Variants in PHYKPL observed in about 807,000 individuals in gnomAD.
The protein encoded by PHYKPL is 5-phosphohydroxy-L-lysine phospho-lyase.
A neutral mutation model predicts 51.3 loss-of-function variants in PHYKPL; 42 were observed. The ratio of observed to expected loss-of-function variants is 0.82; its 90% CI spans 0.64 to 1.06. The LOEUF is 1.06. PHYKPL is among the 50% of genes least tolerant of loss of function. The pLI, the probability that PHYKPL is intolerant of heterozygous loss-of-function variation, is 0.00. For synonymous variants in PHYKPL, 264 were observed against 236.0 expected, an observed-to-expected ratio of 1.12 and a Z score of -1.09; for missense variants, 655 against 586.6, an observed-to-expected ratio of 1.12 and a Z score of -1.20.
In PHYKPL at chr5:178,232,615, C is replaced by T. The variant is rs1581406204; in HGVS notation, c.-65G>A. 4.8e-6 allele frequency: 6 copies of T among 1,242,858 alleles called. No individual in the cohort carries two copies. The highest frequency in any genetic ancestry group is 6.0e-6 in the Non-Finnish European group (6 of 993,382). 77.0% of individuals were successfully genotyped at this position (1,242,858 alleles called of 1,614,324 possible). ...GACGTCGCCGCGCGGGCTGGGCCTC[C>T]AAGGCCCCGCTCCGGGCCCCGCCCC... is the stretch of plus-strand genomic sequence containing the variant. On this transcript the variant is annotated 5_prime_UTR_variant, in exon 1 of 13. Coordinates refer to ENST00000308158, the MANE Select transcript of PHYKPL (RefSeq NM_153373.4).
intron 1 of PHYKPL, chr5:178,231,806 C>T (rs1288529872): frequency 2.9e-6 from 4 of 1,393,002 alleles, no homozygotes; most frequent in African/African-American, 1.4e-5. Flanking sequence ...CCGCGTCAGT[C>T]TCCCGGATCC....
At chr5:178,222,782 T>A in intron 7 of PHYKPL, 70 bp downstream of exon 7, 1 of 1,547,838 alleles carries the variant, frequency 6.5e-7, no homozygotes. Context: ...AGGTTGGGAT[T>A]TGGACCAGAG....
rs1257426371 is a variant in PHYKPL at position 178,225,429 on chromosome 5, C to T, written c.339G>A (p.Gly113=). 11 of 1,614,064 alleles carry T rather than the reference C, an allele frequency of 6.8e-6. No homozygotes were observed. In the Admixed American group the frequency reaches 8.3e-5, roughly 12 times the overall value. The stretch of plus-strand genomic sequence containing the variant: ...TCAGGGCCAGGTCATTGGCTTCTGA[C>T]CTATGACCGAAAAGGTGGGCATGAC... ...QLCVFYFLNS[G]SEANDLALRL... Residue 113 remains glycine, a splice_region_variant and synonymous_variant, in exon 4 of 13, where the codon GGG becomes GGA. Coordinates refer to ENST00000308158, the MANE Select transcript of PHYKPL (RefSeq NM_153373.4).
At chr5:178,218,687 T>C (rs1387083973) in intron 8 of PHYKPL, among the ~76,000 whole-genome samples, 2 of 152,180 alleles carry the variant, frequency 1.3e-5, no homozygotes, top group African/African-American at 2.4e-5. Flanking sequence ...TATTTTGTTA[T>C]AGTTATAGCA....
Position 178,211,961 on chromosome 5 carries a change from T to C in PHYKPL, c.1313A>G (p.Glu438Gly), listed in dbSNP as rs756767207. 73 of 1,614,170 alleles carry C rather than the reference T, an allele frequency of 4.5e-5. No homozygotes were observed. The South Asian group carries it at 4.7e-4, about 10-fold the overall frequency. Residue 438 changes from glutamate (E) to glycine (G), a missense_variant, in exon 12 of 13, where the codon GAG (glutamate) becomes GGG (glycine). By Grantham distance (98) the Glu-to-Gly change is moderately conservative. Coordinates refer to ENST00000308158, the MANE Select transcript of PHYKPL (RefSeq NM_153373.4). ...CAGCGTTTCACAACTTCTCACCTTC[T>C]CTTCCATGTCTGAAAAAGACCACAA... ...KLDAILTDME[E>G]KVRSCETLRL...
intron 8 of PHYKPL, among the ~76,000 whole-genome samples, chr5:178,220,669 A>G (rs531190205): frequency 6.6e-6 from 1 of 151,838 alleles, no homozygotes; most frequent in East Asian, 1.9e-4. Context: ...CTCTTGCTAC[A>G]TGTACAACAG....
At chr5:178,228,236 C>T (rs1762670638) in intron 3 of PHYKPL, 2 of 389,190 alleles carry the variant, frequency 5.1e-6, no homozygotes, top group Non-Finnish European at 4.7e-6. Flanking sequence ...CCAGGATCAG[C>T]CCCAAGGAAC....
intron 9 of PHYKPL, 120 bp from the exon 10 acceptor site, chr5:178,215,005 A>T: frequency 1.1e-6 from 1 of 922,294 alleles, no homozygotes; most frequent in Non-Finnish European, 1.7e-6. Context: ...GCACCTTCAG[A>T]AGGTGGTGAG....
intron 6 of PHYKPL, 145 bp downstream of exon 6, chr5:178,224,303 A>G (rs1227183199): frequency 2.9e-5 from 26 of 894,882 alleles, no homozygotes; most frequent in Non-Finnish European, 4.3e-5. Context: ...CTCTCTGCTG[A>G]GCCCAAACTG....
intron 8 of PHYKPL, among the ~76,000 whole-genome samples, chr5:178,221,973 G>C (rs1340754238): frequency 6.6e-6 from 1 of 152,158 alleles, no homozygotes; most frequent in South Asian, 2.1e-4. Context: ...GGGAGCCACT[G>C]CAATGCGAAC....
At position 178,220,194 on chromosome 5, in the gene PHYKPL, CAA is replaced by C. The variant is rs34898072; in HGVS notation, c.927+2159_927+2160del. Among the ~76,000 whole-genome samples, 519 of 95,576 alleles carry C rather than the reference CAA, an allele frequency of 5.4e-3. 3 individuals are homozygous for C. The highest frequency in any genetic ancestry group is 0.022 in the South Asian group (61 of 2,802). The allele number at this position is 95,576 out of a possible 152,430, so 62.7% of individuals were successfully genotyped here. Reference sequence around the variant, plus strand: ...TGGGTGACAGAGTGAGACCCCGTTTCAAAAAAAAAAAAAAAAAAAGAATGCCG... The same window carrying C: ...TGGGTGACAGAGTGAGACCCCGTTTCAAAAAAAAAAAAAAAAAGAATGCCG... On this transcript the variant is annotated intron_variant, in intron 8 of 12. Coordinates refer to ENST00000308158, the MANE Select transcript of PHYKPL (RefSeq NM_153373.4).
chr5:178,231,575 A>C, intron 1 of PHYKPL, 52 bp from the exon 2 acceptor site: 1 of 1,613,442 alleles, frequency 6.2e-7, no homozygotes, highest in Non-Finnish European at 8.5e-7. Context: ...CGAAAGGGTG[A>C]AGTCTACTCA....
intron 12 of PHYKPL, chr5:178,209,199 A>G (rs1702827509): frequency 5.1e-6 from 4 of 777,526 alleles, no homozygotes; most frequent in Non-Finnish European, 9.0e-6. Context: ...GTGGCCTCCC[A>G]TACTAGCATA....
At chr5:178,227,449 G>A (rs1249661650) in intron 3 of PHYKPL, among the ~76,000 whole-genome samples, 1 of 152,252 alleles carries the variant, frequency 6.6e-6, no homozygotes, top group Non-Finnish European at 1.5e-5. Context: ...GTCAGGGGAA[G>A]CGTCTATGGG....
At chr5:178,232,389 C>A in intron 1 of PHYKPL, 103 bp downstream of exon 1, 2 of 1,321,546 alleles carry the variant, frequency 1.5e-6, no homozygotes, top group African/African-American at 1.5e-5. Context: ...CAGCGGCTTC[C>A]TAGCCGGAGG....
chr5:178,228,770 A>C (rs966975569), intron 3 of PHYKPL, among the ~76,000 whole-genome samples: 1 of 152,180 alleles, frequency 6.6e-6, no homozygotes, highest in East Asian at 1.9e-4. Flanking sequence ...TGCCGATCCT[A>C]GTGTGAGCTA....
intron 6 of PHYKPL, 23 bp downstream of exon 6, chr5:178,224,425 T>C: frequency 6.5e-7 from 1 of 1,541,812 alleles, no homozygotes; most frequent in Non-Finnish European, 8.8e-7. Flanking sequence ...TTGGCTGGAT[T>C]GGACAGGCGC....
intron 8 of PHYKPL, among the ~76,000 whole-genome samples, chr5:178,218,853 C>A (rs1335995531): frequency 2.6e-5 from 4 of 152,162 alleles, no homozygotes; most frequent in African/African-American, 9.7e-5. Context: ...AGAAATATTT[C>A]CCAATTTATT....
Position 178,231,443 on chromosome 5 carries a change from C to T in PHYKPL, c.140G>A (p.Gly47Glu). ...GCTGATGCAATCGATGTATTCTGCCCCCTGTTCATCGTACATGTACTGCCC... is the reference window on the plus strand; with the variant it reads ...GCTGATGCAATCGATGTATTCTGCCTCCTGTTCATCGTACATGTACTGCCC... ...AQGQYMYDEQ[G>E]AEYIDCISNV... is the part of the protein sequence containing the mutation. The change falls in exon 2 of 13, where the codon GGG becomes GAG. Residue 47 changes from glycine (G) to glutamate (E), a missense_variant. Gly to Glu is a moderately conservative substitution (Grantham distance 98). Transcript: ENST00000308158. 1.9e-6 allele frequency: 3 copies of T among 1,614,188 alleles called. No individual in the cohort carries two copies. Among genetic ancestry groups the T allele is most frequent in the Non-Finnish European group, 1.7e-6 (2 of 1,180,038 alleles).
Sources: gnomAD v4.1 joint callset for allele counts (sites outside exome capture counted in the v4.1 genomes callset) on GRCh38, gnomAD v4.1.1 for gene constraint, MANE v1.5 for transcripts, NCBI Gene and HGNC (gene_info 2026-07-23, HGNC 2026-07-21) for gene names.